LARGE1: variants seen among roughly 807,000 people sequenced by gnomAD.
LARGE1 encodes LARGE xylosyl- and glucuronyltransferase 1, also known as xylosyl- and glucuronyltransferase LARGE1.
Under a neutral mutation model 87.6 loss-of-function variants are expected in LARGE1, and 43 were observed. That is an observed-to-expected ratio of 0.49 (90% CI 0.38 to 0.63). The LOEUF is 0.63. Ranked by LOEUF, LARGE1 falls within the 30% of genes least tolerant of loss-of-function variation. The pLI is 0.00. For synonymous variants in LARGE1, 434 were observed against 394.6 expected, an observed-to-expected ratio of 1.10 and a Z score of -1.18; for missense variants, 802 against 1,000.2, an observed-to-expected ratio of 0.80 and a Z score of 2.67.
intron 10 of LARGE1, among the ~76,000 whole-genome samples, chr22:33,328,845 C>G (rs781257746): frequency 1.3e-3 from 197 of 152,004 alleles, no homozygotes; most frequent in Non-Finnish European, 2.6e-3. Flanking sequence ...AATCACGGCC[C>G]CAGCACTTAG....
chr22:33,239,964 T>C (rs968902564), intron 11 of LARGE1, among the ~76,000 whole-genome samples: 1 of 152,220 alleles, frequency 6.6e-6, no homozygotes, highest in African/African-American at 2.4e-5. Flanking sequence ...AATATATATT[T>C]GCAAGTCTTC....
chr22:33,915,795 G>A (rs995964807), intron 1 of LARGE1, among the ~76,000 whole-genome samples: 5 of 152,058 alleles, frequency 3.3e-5, no homozygotes, highest in African/African-American at 7.3e-5. Context: ...TTCTAACACC[G>A]CGTTTCCCTC....
intron 13 of LARGE1, among the ~76,000 whole-genome samples, chr22:33,278,961 G>A (rs963060360): frequency 6.6e-5 from 10 of 152,040 alleles, no homozygotes; most frequent in South Asian, 6.2e-4. Context: ...CTCATGATCC[G>A]CCCGTCTTGG....
In LARGE1 at chr22:33,199,834, G is replaced by A. The variant is rs377016521; in HGVS notation, c.1731-33002C>T. Reference sequence around the variant, plus strand: ...TCAGTCCATAGTACGTGCCTGGTACGTGCAGACACTTTTTTTTTTTTTTCT... The same window carrying A: ...TCAGTCCATAGTACGTGCCTGGTACATGCAGACACTTTTTTTTTTTTTTCT... On this transcript the variant is annotated intron_variant, in intron 11 of 11. Coordinates refer to the LARGE1 transcript ENST00000608642. Among the ~76,000 whole-genome samples, 161 of 143,034 alleles carry A rather than the reference G, an allele frequency of 1.1e-3. 1 individual carries two copies. The highest frequency in any genetic ancestry group is 4.1e-3 in the African/African-American group (153 of 37,668). The allele number at this position is 143,034 out of a possible 152,430, so 93.8% of individuals were successfully genotyped here.
At chr22:33,407,886 A>G (rs1485685015) in intron 7 of LARGE1, among the ~76,000 whole-genome samples, 4 of 152,238 alleles carry the variant, frequency 2.6e-5, no homozygotes, top group Admixed American at 6.5e-5. Flanking sequence ...ACACTCTGTA[A>G]AAGAAAATAC....
At chr22:33,085,285 TA>T in the LARGE1 span, among the ~76,000 whole-genome samples, 1 of 152,116 alleles carries the variant, frequency 6.6e-6, no homozygotes, top group East Asian at 1.9e-4. Context: ...CAAAGAAAAA[TA>T]AAAAAATAAA....
chr22:33,326,303 T>C (rs1937240250), intron 10 of LARGE1, among the ~76,000 whole-genome samples: 1 of 152,180 alleles, frequency 6.6e-6, no homozygotes, highest in Non-Finnish European at 1.5e-5. Flanking sequence ...TAGGCTCTTA[T>C]TTTATGCCAA....
intron 1 of LARGE1, among the ~76,000 whole-genome samples, chr22:33,915,877 G>GGGTT (rs2065772632): frequency 6.6e-6 from 1 of 152,154 alleles, no homozygotes; most frequent in Non-Finnish European, 1.5e-5. Flanking sequence ...AGATACTTTA[G>GGGTT]GGTTTCCATG....
chr22:33,701,501 T>C (rs565884024), intron 2 of LARGE1, among the ~76,000 whole-genome samples: 14 of 152,292 alleles, frequency 9.2e-5, no homozygotes, highest in African/African-American at 3.1e-4. Context: ...GAACGTGATT[T>C]AACAGTGCCA....
the LARGE1 span, among the ~76,000 whole-genome samples, chr22:33,132,280 C>T: frequency 1.2e-4 from 19 of 152,052 alleles, no homozygotes; most frequent in Admixed American, 3.3e-4. Context: ...ACCTTTCTGG[C>T]GCAAGGGATC....
At chr22:33,114,234 G>T in the LARGE1 span, among the ~76,000 whole-genome samples, 55 of 152,274 alleles carry the variant, frequency 3.6e-4, 1 homozygote, top group South Asian at 0.01. Context: ...TTAGCTAATA[G>T]AGGCTAAATG....
chr22:33,172,389 CG>C (rs1922622935), intron 11 of LARGE1, among the ~76,000 whole-genome samples: 1 of 152,054 alleles, frequency 6.6e-6, no homozygotes, highest in Non-Finnish European at 1.5e-5. Context: ...ATGCTGTTCT[CG>C]TGACAGTGAG....
the LARGE1 span, among the ~76,000 whole-genome samples, chr22:33,090,538 C>T: frequency 1.3e-5 from 2 of 152,136 alleles, no homozygotes; most frequent in Non-Finnish European, 2.9e-5. Context: ...TGGAAAACTT[C>T]TAAGTTGGGA....
At chr22:33,319,471 CT>C (rs1353340592) in intron 10 of LARGE1, among the ~76,000 whole-genome samples, 7 of 152,188 alleles carry the variant, frequency 4.6e-5, no homozygotes, top group Admixed American at 4.6e-4. Flanking sequence ...TCTCAGCTCA[CT>C]GCAACCTCTG....
intron 3 of LARGE1, 143 bp downstream of exon 3, chr22:33,650,224 G>T: frequency 9.7e-7 from 1 of 1,032,634 alleles, no homozygotes; most frequent in Non-Finnish European, 1.5e-6. Flanking sequence ...CAAAGTTAGC[G>T]AGCAAGCCAG....
At chr22:33,822,465 G>A (rs1458555909) in intron 1 of LARGE1, among the ~76,000 whole-genome samples, 1 of 152,158 alleles carries the variant, frequency 6.6e-6, no homozygotes, top group Non-Finnish European at 1.5e-5. Context: ...TTGGGAAGCT[G>A]AGGCAGGAAG....
At chr22:33,127,326 G>T in the LARGE1 span, among the ~76,000 whole-genome samples, 1 of 121,580 alleles carries the variant, frequency 8.2e-6, no homozygotes, top group African/African-American at 2.7e-5. Context: ...AAGCACAAGT[G>T]GTCAGGTGAG....
At position 33,424,063 on chromosome 22, in the gene LARGE1, C is replaced by G. The variant is rs561764918; in HGVS notation, c.892+8098G>C. On this transcript the variant is annotated intron_variant, in intron 7 of 14. Coordinates refer to ENST00000397394, the MANE Select transcript of LARGE1 (RefSeq NM_133642.5). The stretch of plus-strand genomic sequence containing the variant: ...GGCAGTAAAAGTACATCATCAGAGG[C>G]CTAGGTACTGGTTCTCAAACTTAAG... 2.0e-5 allele frequency among the ~76,000 whole-genome samples: 3 copies of G among 152,212 alleles called. No individual in the cohort carries two copies. The South Asian group carries it at 6.2e-4, about 32-fold the overall frequency.
At chr22:33,724,572 G>A (rs2083208850) in intron 2 of LARGE1, among the ~76,000 whole-genome samples, 1 of 152,160 alleles carries the variant, frequency 6.6e-6, no homozygotes, top group Non-Finnish European at 1.5e-5. Flanking sequence ...ATATAATGTA[G>A]ACCAAACTCC....
Sources: allele counts gnomAD v4.1 joint callset (sites outside exome capture counted in the v4.1 genomes callset), GRCh38; gene constraint gnomAD v4.1.1; transcripts MANE v1.5; gene names NCBI Gene and HGNC (gene_info 2026-07-23, HGNC 2026-07-21).